The following GABPB1 variants were observed in gnomAD, a reference collection of about 807,000 sequenced individuals.
The protein encoded by GABPB1 is GA-binding protein subunit beta-1.
Under a neutral mutation model 45.9 loss-of-function variants are expected in GABPB1, and 15 were observed. That is an observed-to-expected ratio of 0.33 (90% CI 0.22 to 0.50). The LOEUF (loss-of-function observed/expected upper bound fraction) is 0.50, where lower values mean the gene tolerates loss of function less well. Ranked by LOEUF, GABPB1 falls within the 20% of genes least tolerant of loss-of-function variation. The pLI, the probability that GABPB1 is intolerant of heterozygous loss-of-function variation, is 0.98. For missense variants in GABPB1, 252 were observed against 457.5 expected (o/e 0.55, Z 4.10); for synonymous variants, 143 against 154.4 (o/e 0.93, Z 0.55).
At chr15:50,348,986 C>G (rs1423960526) in intron 1 of GABPB1, 1 of 152,000 alleles carries the variant, frequency 6.6e-6, no homozygotes, top group Non-Finnish European at 1.5e-5. Flanking sequence ...CACTATAAAA[C>G]TATAAAATAC....
At chr15:50,350,874 C>G (rs899304593) in intron 1 of GABPB1, 4 of 152,226 alleles carry the variant, frequency 2.6e-5, no homozygotes, top group African/African-American at 9.6e-5. Context: ...TCTGATCCTT[C>G]TGCATGACAG....
At chr15:50,313,802 TTTGTC>T in intron 1 of GABPB1, among the ~76,000 whole-genome samples, 1 of 152,126 alleles carries the variant, frequency 6.6e-6, no homozygotes, top group Non-Finnish European at 1.5e-5. Context: ...TATGGGAAAT[TTTGTC>T]ATTTTACAAA....
At position 50,286,088 on chromosome 15, in the gene GABPB1, C is replaced by G; in HGVS notation, c.979G>C (p.Val327Leu). The G allele has an allele frequency of 6.2e-7, 1 of 1,612,480 alleles. No homozygotes were observed. Residue 327 changes from valine (V) to leucine (L), a missense_variant, in exon 8 of 9, where the codon GTG becomes CTG. This residue lies in a region of GABPB1 where 193 missense variants were observed against 259.9 expected (regional missense o/e 0.74). Coordinates refer to ENST00000380877, the MANE Select transcript of GABPB1 (RefSeq NM_016654.5). ...CTTACTTCTATTTCTGCAGATTCCA[C>G]CCGGTTTTCAATTATTTCGATACAT... ...RQCIEIIENR[V>L]ESAEIEEREA... is the part of the protein sequence containing the mutation.
intron 1 of GABPB1, among the ~76,000 whole-genome samples, chr15:50,346,881 C>A (rs965699778): frequency 5.3e-5 from 8 of 151,680 alleles, no homozygotes; most frequent in Non-Finnish European, 8.8e-5. Context: ...TCCGCCCCCC[C>A]CAGGTTCAAG....
chr15:50,318,591 G>A (rs758504627), intron 1 of GABPB1, among the ~76,000 whole-genome samples: 2 of 152,134 alleles, frequency 1.3e-5, no homozygotes, highest in Non-Finnish European at 2.9e-5. Flanking sequence ...GAATAGGAGA[G>A]AGTACCCAAA....
In GABPB1 at chr15:50,278,494, C is replaced by A. The variant is rs1567466807; in HGVS notation, c.*138G>T. 5.7e-6 allele frequency: 3 copies of A among 528,890 alleles called. No individual in the cohort carries two copies. The highest frequency in any genetic ancestry group is 9.4e-6 in the Non-Finnish European group (3 of 318,746). The allele number at this position is 528,890 out of a possible 1,614,324, so 32.8% of individuals were successfully genotyped here. A position where few individuals can be genotyped will look rare whatever the true frequency, so the allele number is the denominator to read the frequency against. On this transcript the variant is annotated 3_prime_UTR_variant, in exon 9 of 9. Transcript: ENST00000380877. ...AGTTTTATGTTACAAGAACTCAGAG[C>A]TCATGGCTTAAGTCCAATTATCCAT...
chr15:50,309,153 C>A (rs191015569), intron 2 of GABPB1, among the ~76,000 whole-genome samples: 3 of 152,156 alleles, frequency 2.0e-5, no homozygotes, highest in Admixed American at 2.0e-4. Flanking sequence ...CAAGACAATA[C>A]TTTTTTATTT....
At chr15:50,334,699 A>T (rs946810637) in intron 1 of GABPB1, among the ~76,000 whole-genome samples, 1 of 151,610 alleles carries the variant, frequency 6.6e-6, no homozygotes, top group Non-Finnish European at 1.5e-5. Flanking sequence ...CTGTACAGAC[A>T]AGGTTTCACC....
chr15:50,280,384 A>G (rs967152738), intron 8 of GABPB1, among the ~76,000 whole-genome samples: 1 of 152,154 alleles, frequency 6.6e-6, no homozygotes, highest in African/African-American at 2.4e-5. Flanking sequence ...TGAGGGGTGG[A>G]AGGTTGGATG....
chr15:50,322,997 C>T (rs1488793002), intron 1 of GABPB1, among the ~76,000 whole-genome samples: 1 of 152,138 alleles, frequency 6.6e-6, no homozygotes, highest in African/African-American at 2.4e-5. Flanking sequence ...CCACTGCACT[C>T]CTGTCTGGGC....
At position 50,278,803 on chromosome 15, in the gene GABPB1, T is replaced by TG; in HGVS notation, c.1000-20_1000-19insC. 7.3e-7 allele frequency: 1 copy of TG among 1,361,168 alleles called. No individual in the cohort carries two copies. Among genetic ancestry groups the TG allele is most frequent in the Middle Eastern group, 1.9e-4 (1 of 5,246 alleles). 84.3% of individuals were successfully genotyped at this position (1,361,168 alleles called of 1,614,324 possible). On this transcript the variant is annotated intron_variant, in intron 8 of 8. Coordinates refer to ENST00000380877, the MANE Select transcript of GABPB1 (RefSeq NM_016654.5). ...CTCTCTCCTAATTAAAAGAAGAGGG[T>TG]TTTTTTTTTAATTTTTGCAAAAATA...
chr15:50,303,916 A>G lies in GABPB1; in HGVS notation c.276+50T>C, dbSNP rs1366650057. 3.5e-6 allele frequency: 5 copies of G among 1,433,422 alleles called. No homozygotes were observed. The African/African-American group carries it at 7.2e-5, about 21-fold the overall frequency. 88.8% of individuals were successfully genotyped at this position (1,433,422 alleles called of 1,614,324 possible). On this transcript the variant is annotated intron_variant, in intron 3 of 8. Transcript: ENST00000380877. ...CAAAAACTAGTTCCCTCTCCTTCTT[A>G]TAAAACCGTAAAGTATTTTAAAAGC...
Position 50,276,640 on chromosome 15 carries a change from C to T in GABPB1, c.*1992G>A, listed in dbSNP as rs1433738337. 2.0e-5 allele frequency: 3 copies of T among 152,246 alleles called. No homozygotes were observed. The highest frequency in any genetic ancestry group is 7.2e-5 in the African/African-American group (3 of 41,462). The allele number at this position is 152,246 out of a possible 1,614,324, so 9.4% of individuals were successfully genotyped here. ...GAAGTCAAAGACGACATTAAGTTAG[C>T]TTTCACAAACTTGTTCCCAACACTG... On this transcript the variant is annotated 3_prime_UTR_variant, in exon 9 of 9. Transcript: ENST00000380877.
intron 6 of GABPB1, 110 bp from the exon 7 acceptor site, chr15:50,289,778 TC>T (rs1329288560): frequency 1.3e-6 from 1 of 762,190 alleles, no homozygotes; most frequent in Non-Finnish European, 2.0e-6. Context: ...TTTTCTTTTT[TC>T]TTTTTTAAAT....
At chr15:50,354,405 C>G (rs1367594854) in intron 1 of GABPB1, 4 of 451,974 alleles carry the variant, frequency 8.9e-6, no homozygotes, top group African/African-American at 2.0e-5. Context: ...CCGGCCGATC[C>G]CGCCGCGACC....
intron 1 of GABPB1, among the ~76,000 whole-genome samples, chr15:50,337,533 G>A (rs2048193345): frequency 6.6e-6 from 1 of 152,042 alleles, no homozygotes; most frequent in Non-Finnish European, 1.5e-5. Context: ...GGAGGCTGAG[G>A]CAAGCAGATC....
At chr15:50,351,893 A>G (rs1465343635) in intron 1 of GABPB1, 1 of 152,206 alleles carries the variant, frequency 6.6e-6, no homozygotes, top group Non-Finnish European at 1.5e-5. Flanking sequence ...AGCTATCCCA[A>G]TGTAGGCACA....
At chr15:50,321,054 G>A (rs2047552458) in intron 1 of GABPB1, among the ~76,000 whole-genome samples, 1 of 152,082 alleles carries the variant, frequency 6.6e-6, no homozygotes, top group African/African-American at 2.4e-5. Flanking sequence ...TAGCAAATAG[G>A]AAATTATTAC....
chr15:50,294,239 G>A (rs190550649), intron 6 of GABPB1, among the ~76,000 whole-genome samples: 36 of 152,236 alleles, frequency 2.4e-4, no homozygotes, highest in African/African-American at 7.7e-4. Context: ...ACTATGGACC[G>A]GGAGCAGTGC....
Sources: allele counts gnomAD v4.1 joint callset (sites outside exome capture counted in the v4.1 genomes callset), GRCh38; gene constraint gnomAD v4.1.1; regional missense constraint gnomAD v4.1.1; transcripts MANE v1.5; gene names NCBI Gene and HGNC (gene_info 2026-07-23, HGNC 2026-07-21).